LRRK1: variants seen among roughly 807,000 people sequenced by gnomAD.
LRRK1 encodes the protein leucine rich repeat kinase 1.
Under a neutral mutation model 209.1 loss-of-function variants are expected in LRRK1, and 113 were observed. The observed-to-expected ratio is 0.54, with a 90% CI of 0.46 to 0.63. LRRK1 has a LOEUF of 0.63. Ranked by LOEUF, LRRK1 falls within the 30% of genes least tolerant of loss-of-function variation. LRRK1 has a pLI of 0.00. For synonymous variants in LRRK1, 1,144 were observed against 1,099.7 expected (o/e 1.04, Z -0.80); for missense variants, 2,284 against 2,632.2 (o/e 0.87, Z 2.89).
At chr15:101,060,130 G>A (rs1004698058) in intron 29 of LRRK1, among the ~76,000 whole-genome samples, 5 of 152,176 alleles carry the variant, frequency 3.3e-5, no homozygotes, top group African/African-American at 1.2e-4. Context: ...AAGGGAGGAG[G>A]GGGCTGGCTG....
chr15:100,934,762 C>T (rs1196572524), intron 2 of LRRK1, among the ~76,000 whole-genome samples: 2 of 141,792 alleles, frequency 1.4e-5, no homozygotes, highest in Non-Finnish European at 3.0e-5. Context: ...GAGATCACAC[C>T]ACTGCATTTC....
chr15:101,045,313 G>A (rs1236683173), intron 20 of LRRK1, among the ~76,000 whole-genome samples: 2 of 152,212 alleles, frequency 1.3e-5, no homozygotes, highest in African/African-American at 2.4e-5. Flanking sequence ...GCCTGCCCCC[G>A]CAGCCCCACA....
At chr15:100,925,328 C>T (rs200550885) in intron 2 of LRRK1, among the ~76,000 whole-genome samples, 4 of 152,052 alleles carry the variant, frequency 2.6e-5, no homozygotes, top group Non-Finnish European at 4.4e-5. Context: ...TATTTTTTTA[C>T]GATTTAATAA....
chr15:101,036,722 G>A (rs2034508016), intron 20 of LRRK1, among the ~76,000 whole-genome samples: 1 of 151,574 alleles, frequency 6.6e-6, no homozygotes, highest in African/African-American at 2.4e-5. Context: ...TGTGCATCTG[G>A]TGTAACAGTC....
intron 2 of LRRK1, among the ~76,000 whole-genome samples, chr15:100,926,383 G>C (rs552673169): frequency 6.6e-5 from 10 of 152,258 alleles, no homozygotes; most frequent in African/African-American, 2.4e-4. Context: ...AGGGACGAGG[G>C]TGGGGACAGG....
chr15:101,032,915 A>T (rs78473899), intron 20 of LRRK1, among the ~76,000 whole-genome samples: 2,279 of 152,316 alleles, frequency 0.015, 48 homozygotes, highest in African/African-American at 0.051. Flanking sequence ...ACTTGAAATC[A>T]GGTTGCGTGA....
intron 2 of LRRK1, among the ~76,000 whole-genome samples, chr15:100,933,510 G>C (rs1180577320): frequency 6.6e-6 from 1 of 151,986 alleles, no homozygotes; most frequent in Non-Finnish European, 1.5e-5. Flanking sequence ...TTTTCCAACT[G>C]TTGTTCTTTT....
At chr15:100,928,219 C>T (rs369722601) in intron 2 of LRRK1, among the ~76,000 whole-genome samples, 18 of 152,220 alleles carry the variant, frequency 1.2e-4, no homozygotes, top group Admixed American at 5.2e-4. Flanking sequence ...ACCTCCTGTG[C>T]TTACATCCAA....
intron 11 of LRRK1, 99 bp downstream of exon 11, chr15:101,014,527 G>A (rs930265732): frequency 7.6e-6 from 6 of 788,672 alleles, no homozygotes; most frequent in African/African-American, 7.0e-5. Flanking sequence ...TGCGAGGGCT[G>A]CTGAGCCGCC....
At chr15:100,999,670 GA>G (rs1267979697) in intron 6 of LRRK1, among the ~76,000 whole-genome samples, 1 of 152,184 alleles carries the variant, frequency 6.6e-6, no homozygotes, top group Non-Finnish European at 1.5e-5. Context: ...ATTTGACTGG[GA>G]AAAAATTATA....
intron 10 of LRRK1, among the ~76,000 whole-genome samples, chr15:101,013,778 C>T (rs900545039): frequency 6.6e-6 from 1 of 152,166 alleles, no homozygotes. Context: ...TGCTGATAAT[C>T]CTGAGGGGCC....
At chr15:101,009,154 T>TG (rs1046377966) in intron 7 of LRRK1, 91 bp downstream of exon 7, 142 of 1,057,880 alleles carry the variant, frequency 1.3e-4, no homozygotes, top group Admixed American at 9.1e-5. Context: ...TTTGTGGTTT[T>TG]GGGGGAAAAA....
chr15:100,941,444 G>C (rs1279626534), intron 2 of LRRK1, among the ~76,000 whole-genome samples: 14 of 137,320 alleles, frequency 1.0e-4, no homozygotes, highest in African/African-American at 1.8e-4. Flanking sequence ...GTGTGTGTGT[G>C]TCTGTGTGTG....
chr15:101,075,285 CCAG>C lies in LRRK1; in HGVS notation c.*6438_*6440del, dbSNP rs1346496295. The C allele has an allele frequency of 3.0e-5, 1 of 33,072 alleles. No individual in the cohort carries two copies. The allele number at this position is 33,072 out of a possible 1,614,324, so 2.0% of individuals were successfully genotyped here. On this transcript the variant is annotated 3_prime_UTR_variant, in exon 34 of 34. Transcript: ENST00000388948. ...ACTCCTTTTAGTTATCCCCAGCTGCCCAGTTCCCTTATTAGGCTGAGACACTTT... is the reference window on the plus strand; with the variant it reads ...ACTCCTTTTAGTTATCCCCAGCTGCCTTCCCTTATTAGGCTGAGACACTTT...
rs560908740 is a variant in LRRK1, at chr15:101,061,452, G to A, written c.4797+164G>A. 1.2e-4 allele frequency among the ~76,000 whole-genome samples: 19 copies of A among 152,344 alleles called. No individual in the cohort carries two copies. The South Asian group carries it at 3.1e-3, about 25-fold the overall frequency. On this transcript the variant is annotated intron_variant, in intron 30 of 33. Transcript: ENST00000388948. ...GTCCCCAAGTAATGCCAGGAGCCCC[G>A]AGAAGTAGCAGCCTGTCACCAGGGG... is the stretch of plus-strand genomic sequence containing the variant.
At chr15:100,985,532 T>C (rs12907742) in intron 4 of LRRK1, among the ~76,000 whole-genome samples, 15,984 of 152,024 alleles carry the variant, frequency 0.11, 875 homozygotes, top group African/African-American at 0.12. Context: ...TACGCAGAGG[T>C]CTGGGAGCAC....
chr15:101,045,914 C>G (rs2035049672), intron 20 of LRRK1, 67 bp from the exon 21 acceptor site: 1 of 1,400,042 alleles, frequency 7.1e-7, no homozygotes, highest in Non-Finnish European at 1.0e-6. Context: ...AGGCCATCTG[C>G]TGGGGTCAGG....
chr15:101,030,849 G>A (rs1013922835), intron 20 of LRRK1, among the ~76,000 whole-genome samples: 2 of 152,024 alleles, frequency 1.3e-5, no homozygotes, highest in Non-Finnish European at 2.9e-5. Context: ...GATTTCTGGC[G>A]CACCATCACC....
At chr15:101,041,708 C>T (rs1274237210) in intron 20 of LRRK1, among the ~76,000 whole-genome samples, 1 of 152,190 alleles carries the variant, frequency 6.6e-6, no homozygotes, top group East Asian at 1.9e-4. Context: ...ATACAGTAGT[C>T]CCCCTTATCC....
Sources: allele counts gnomAD v4.1 joint callset (sites outside exome capture counted in the v4.1 genomes callset), GRCh38; gene constraint gnomAD v4.1.1; transcripts MANE v1.5; gene names NCBI Gene and HGNC (gene_info 2026-07-23, HGNC 2026-07-21).